IL27RA: variants seen among roughly 807,000 people sequenced by gnomAD.
IL27RA encodes the protein interleukin 27 receptor subunit alpha.
In IL27RA, 61 loss-of-function variants were observed where a neutral mutation model predicts 80.8. That is an observed-to-expected ratio of 0.76 (90% CI 0.61 to 0.93). The LOEUF (loss-of-function observed/expected upper bound fraction) is 0.93, where lower values mean the gene tolerates loss of function less well. Ranked by LOEUF, IL27RA falls within the 40% of genes least tolerant of loss-of-function variation. IL27RA has a pLI of 0.00. For synonymous variants in IL27RA, 316 were observed against 332.5 expected, an observed-to-expected ratio of 0.95 and a Z score of 0.54; for missense variants, 735 against 808.1, an observed-to-expected ratio of 0.91 and a Z score of 1.10.
At position 14,042,711 on chromosome 19, in the gene IL27RA, G is replaced by C. The variant is rs1241732927; in HGVS notation, c.695-5G>C. The C allele has an allele frequency of 5.6e-6, 9 of 1,613,958 alleles. No individual in the cohort carries two copies. Among genetic ancestry groups the C allele is most frequent in the Non-Finnish European group, 7.6e-6 (9 of 1,180,020 alleles). ...ATTTGTTCCCCGTTTCCTCATCCTT[G>C]CCAGCTCCAAAAGATGTGTGGGTAT... is the stretch of plus-strand genomic sequence containing the variant. On this transcript the variant is annotated splice_polypyrimidine_tract_variant and splice_region_variant and intron_variant, in intron 5 of 13. Transcript: ENST00000263379.
intron 8 of IL27RA, among the ~76,000 whole-genome samples, chr19:14,047,893 A>C (rs1349986141): frequency 6.9e-6 from 1 of 145,946 alleles, no homozygotes; most frequent in Non-Finnish European, 1.5e-5. Flanking sequence ...CGATCTCTTG[A>C]CCTCGTGATC....
rs1976208208 is a variant in IL27RA, at chr19:14,053,045, G to A, written c.*755G>A. Reference sequence around the variant, plus strand: ...TATGCCAACACGGGGTCTGGGTGGGGGCTCCCCCACATCCTTTCCTTGCCT... The same window carrying A: ...TATGCCAACACGGGGTCTGGGTGGGAGCTCCCCCACATCCTTTCCTTGCCT... On this transcript the variant is annotated 3_prime_UTR_variant, in exon 14 of 14. Coordinates refer to ENST00000263379, the MANE Select transcript of IL27RA (RefSeq NM_004843.4). 2.0e-5 allele frequency: 3 copies of A among 152,442 alleles called. No individual in the cohort carries two copies. In the South Asian group the frequency reaches 6.2e-4, roughly 32 times the overall value. 9.4% of individuals were successfully genotyped at this position (152,442 alleles called of 1,614,324 possible).
rs60328140 is a variant in IL27RA, at chr19:14,032,805, C to CA, written c.218+323dup. On this transcript the variant is annotated intron_variant, in intron 2 of 13. Coordinates refer to ENST00000263379, the MANE Select transcript of IL27RA (RefSeq NM_004843.4). ...TGGGGGACAGAGGGAGACTCTGTCT[C>CA]AAAAAAAAAAAAAAAAAAAAAGAAA... is the stretch of plus-strand genomic sequence containing the variant. 5.1e-3 allele frequency among the ~76,000 whole-genome samples: 309 copies of CA among 60,596 alleles called. 1 individual carries two copies. The highest frequency in any genetic ancestry group is 7.9e-3 in the East Asian group (17 of 2,160). The allele number at this position is 60,596 out of a possible 152,430, so 39.8% of individuals were successfully genotyped here. A position where few individuals can be genotyped will look rare whatever the true frequency, so the allele number is the denominator to read the frequency against.
At chr19:14,034,584 C>T (rs894135013) in intron 2 of IL27RA, among the ~76,000 whole-genome samples, 2 of 150,230 alleles carry the variant, frequency 1.3e-5, no homozygotes, top group Non-Finnish European at 2.9e-5. Context: ...CGCTGGAACT[C>T]GGGAGGCAGA....
intron 8 of IL27RA, among the ~76,000 whole-genome samples, chr19:14,048,414 C>T (rs990040885): frequency 6.6e-6 from 1 of 152,136 alleles, no homozygotes; most frequent in Non-Finnish European, 1.5e-5. Flanking sequence ...GGAAAATTCC[C>T]AGTTGGGGAA....
At position 14,052,544 on chromosome 19, in the gene IL27RA, C is replaced by T; in HGVS notation, c.*254C>T. The T allele has an allele frequency of 2.4e-6, 1 of 408,292 alleles. No homozygotes were observed. Among genetic ancestry groups the T allele is most frequent in the Non-Finnish European group, 4.3e-6 (1 of 230,602 alleles). 25.3% of individuals were successfully genotyped at this position (408,292 alleles called of 1,614,324 possible). On this transcript the variant is annotated 3_prime_UTR_variant, in exon 14 of 14. Transcript: ENST00000263379. ...TACATGAAATTGAGAGTGGCAGCTG[C>T]CTGCCAAAATCTGTTCCGCTGTAAC...
chr19:14,051,899 A>G lies in IL27RA; in HGVS notation c.1642A>G (p.Lys548Glu), dbSNP rs766644910. 1 of 1,583,366 alleles carries G rather than the reference A, an allele frequency of 6.3e-7. No individual in the cohort carries two copies. The highest frequency in any genetic ancestry group is 8.6e-7 in the Non-Finnish European group (1 of 1,163,606). ...TSGRCYHLRHKVLPRWVWEKV... is the reference protein window; with the variant it reads ...TSGRCYHLRHEVLPRWVWEKV... ...TGCCAGGTGCTACCACCTAAGGCAC[A>G]AAGTGCTGCCCCGCTGGGTCTGGGA... is the stretch of plus-strand genomic sequence containing the variant. Residue 548 changes from lysine (K) to glutamate (E), a missense_variant, in exon 13 of 14, where the codon AAA (lysine) becomes GAA (glutamate). Coordinates refer to ENST00000263379, the MANE Select transcript of IL27RA (RefSeq NM_004843.4).
intron 2 of IL27RA, among the ~76,000 whole-genome samples, chr19:14,037,834 C>CTCCTTTTTTTT (rs77898584): frequency 7.7e-6 from 1 of 129,422 alleles, no homozygotes; most frequent in South Asian, 2.9e-4. Context: ...CTCTCTCTCT[C>CTCCTTTTTTTT]TTTTTTTTTT....
chr19:14,045,591 ACT>A (rs1393809555), intron 6 of IL27RA, among the ~76,000 whole-genome samples: 1 of 139,476 alleles, frequency 7.2e-6, no homozygotes, highest in Admixed American at 7.1e-5. Flanking sequence ...ACAGAGCGAG[ACT>A]CTGTCTCAAA....
At chr19:14,033,894 G>T (rs751372277) in intron 2 of IL27RA, among the ~76,000 whole-genome samples, 1 of 152,008 alleles carries the variant, frequency 6.6e-6, no homozygotes, top group Admixed American at 6.6e-5. Flanking sequence ...AACCCAGGAA[G>T]TGGAGGTTGC....
intron 2 of IL27RA, among the ~76,000 whole-genome samples, chr19:14,037,265 C>CT (rs59108452): frequency 0.15 from 21,117 of 144,882 alleles, 3,894 homozygotes; most frequent in African/African-American, 0.43. Context: ...TTTATTTTTA[C>CT]TTTTTTTTTT....
intron 8 of IL27RA, among the ~76,000 whole-genome samples, chr19:14,048,481 G>A (rs998169434): frequency 6.6e-6 from 1 of 152,090 alleles, no homozygotes; most frequent in African/African-American, 2.4e-5. Context: ...CAGCTACCAT[G>A]GTAGGTGCTG....
intron 2 of IL27RA, among the ~76,000 whole-genome samples, chr19:14,036,226 C>T (rs1177590480): frequency 6.6e-6 from 1 of 152,000 alleles, no homozygotes; most frequent in Non-Finnish European, 1.5e-5. Context: ...AACTCCTGAG[C>T]TCAAGCGATC....
rs762980462 is a variant in IL27RA at position 14,032,447 on chromosome 19, G to C, written c.162G>C (p.Trp54Cys). Residue 54 changes from tryptophan to cysteine, a missense_variant, in exon 2 of 14, where the codon TGG (tryptophan) becomes TGC (cysteine). Physicochemically the swap from Trp to Cys is radical, Grantham distance 215 (BLOSUM62 -2). Coordinates refer to ENST00000263379, the MANE Select transcript of IL27RA (RefSeq NM_004843.4). Reference sequence around the variant, plus strand: ...CCTTGGGCGACTTGAACTGCTCGTGGGAGCCTCTTGGGGACCTGGGAGCCC... The same window carrying C: ...CCTTGGGCGACTTGAACTGCTCGTGCGAGCCTCTTGGGGACCTGGGAGCCC... ...VGPLGDLNCS[W>C]EPLGDLGAPS... 3 of 1,613,802 alleles carry C rather than the reference G, an allele frequency of 1.9e-6. No individual in the cohort carries two copies. Among genetic ancestry groups the C allele is most frequent in the Non-Finnish European group, 2.5e-6 (3 of 1,179,920 alleles).
intron 2 of IL27RA, among the ~76,000 whole-genome samples, chr19:14,032,956 C>T (rs1227200691): frequency 1.3e-5 from 2 of 151,924 alleles, no homozygotes; most frequent in East Asian, 3.9e-4. Flanking sequence ...CTTTGAGTCT[C>T]CTTTTCATTT....
At chr19:14,051,535 C>G (rs10404921) in intron 11 of IL27RA, 72 bp from the exon 12 acceptor site, 245,126 of 857,608 alleles carry the variant, frequency 0.29, 37,667 homozygotes, top group South Asian at 0.45. Context: ...GGGCAAGACT[C>G]TGTCTCAAAA....
intron 2 of IL27RA, among the ~76,000 whole-genome samples, chr19:14,036,939 G>A (rs1328253388): frequency 1.3e-5 from 2 of 151,990 alleles, no homozygotes; most frequent in Non-Finnish European, 1.5e-5. Flanking sequence ...GGGTTCAAGC[G>A]ATTCTCCTGC....
chr19:14,036,087 AAAAAG>A (rs1329966568), intron 2 of IL27RA, among the ~76,000 whole-genome samples: 141 of 151,780 alleles, frequency 9.3e-4, no homozygotes, highest in African/African-American at 3.2e-3. Flanking sequence ...TAAAAAAAAA[AAAAAG>A]AAAGAAGAAG....
rs941229433 is a variant in IL27RA, at chr19:14,047,448, G to T, written c.1141+830G>T. Among the ~76,000 whole-genome samples the T allele has an allele frequency of 3.3e-5, 5 of 150,270 alleles. No homozygotes were observed. In the East Asian group the frequency reaches 9.8e-4, roughly 29 times the overall value. On this transcript the variant is annotated intron_variant, in intron 8 of 13. Transcript: ENST00000263379. Reference sequence around the variant, plus strand: ...CAGCTCACTGCAGCCTTCACCTCCCGGGTTCAAGCGATTCTCGTGCCTCAG... The same window carrying T: ...CAGCTCACTGCAGCCTTCACCTCCCTGGTTCAAGCGATTCTCGTGCCTCAG...
Sources: allele counts gnomAD v4.1 joint callset (sites outside exome capture counted in the v4.1 genomes callset), GRCh38; gene constraint gnomAD v4.1.1; transcripts MANE v1.5; gene names NCBI Gene and HGNC (gene_info 2026-07-23, HGNC 2026-07-21).